CNTNAP2: variants seen among roughly 807,000 people sequenced by gnomAD.
CNTNAP2 encodes the protein contactin-associated protein-like 2.
In CNTNAP2, 98 loss-of-function variants were observed where a neutral mutation model predicts 155.2. The observed-to-expected ratio is 0.63, with a 90% CI of 0.54 to 0.75. The LOEUF (loss-of-function observed/expected upper bound fraction) is 0.75, where lower values mean the gene tolerates loss of function less well. CNTNAP2 is among the 30% of genes least tolerant of loss of function. CNTNAP2 has a pLI of 0.00. For synonymous variants in CNTNAP2, 651 were observed against 631.2 expected (o/e 1.03, Z -0.47); for missense variants, 1,727 against 1,688.1 (o/e 1.02, Z -0.40).
chr7:148,003,923 A>G (rs1801935042), intron 15 of CNTNAP2, among the ~76,000 whole-genome samples: 1 of 152,216 alleles, frequency 6.6e-6, no homozygotes, highest in African/African-American at 2.4e-5. Context: ...GGATTATAAT[A>G]TGTATATTTC....
intron 8 of CNTNAP2, among the ~76,000 whole-genome samples, chr7:147,182,524 A>C (rs1802482858): frequency 6.6e-6 from 1 of 151,980 alleles, no homozygotes; most frequent in Non-Finnish European, 1.5e-5. Context: ...TTGGTATTTG[A>C]TTTGCAGTCC....
chr7:146,977,442 G>A (rs978375008), intron 3 of CNTNAP2, among the ~76,000 whole-genome samples: 12 of 152,266 alleles, frequency 7.9e-5, no homozygotes, highest in African/African-American at 1.9e-4. Context: ...TTGAGTGATC[G>A]TTCATGGAGT....
chr7:148,354,929 T>G (rs980420961), intron 21 of CNTNAP2, among the ~76,000 whole-genome samples: 86 of 152,060 alleles, frequency 5.7e-4, no homozygotes, highest in African/African-American at 2.0e-3. Flanking sequence ...CACACTGATT[T>G]GGAGGCCTGA....
chr7:148,314,391 C>A (rs985938957), intron 21 of CNTNAP2, among the ~76,000 whole-genome samples: 1 of 152,142 alleles, frequency 6.6e-6, no homozygotes, highest in Non-Finnish European at 1.5e-5. Flanking sequence ...TATTTGGAAC[C>A]ACTGTCAAGT....
At chr7:147,557,381 G>T (rs1226597246) in intron 11 of CNTNAP2, among the ~76,000 whole-genome samples, 2 of 152,100 alleles carry the variant, frequency 1.3e-5, no homozygotes, top group African/African-American at 4.8e-5. Flanking sequence ...TGAATATATA[G>T]CATGAGAACT....
At chr7:147,910,071 C>A (rs893487927) in intron 14 of CNTNAP2, among the ~76,000 whole-genome samples, 8 of 152,122 alleles carry the variant, frequency 5.3e-5, no homozygotes, top group African/African-American at 1.9e-4. Context: ...TAAAAAATAT[C>A]TTCGATATTT....
At chr7:146,819,902 C>T (rs946661991) in intron 2 of CNTNAP2, among the ~76,000 whole-genome samples, 1 of 152,122 alleles carries the variant, frequency 6.6e-6, no homozygotes, top group Admixed American at 6.6e-5. Flanking sequence ...CTCATATATC[C>T]ACTTCTTGAT....
chr7:147,595,259 C>T (rs1401165761), intron 12 of CNTNAP2, among the ~76,000 whole-genome samples: 1 of 152,170 alleles, frequency 6.6e-6, no homozygotes, highest in Non-Finnish European at 1.5e-5. Flanking sequence ...GAATTCCCTT[C>T]TTAGCTTTGT....
At chr7:147,960,033 A>C (rs1302160702) in intron 14 of CNTNAP2, among the ~76,000 whole-genome samples, 1 of 152,092 alleles carries the variant, frequency 6.6e-6, no homozygotes, top group Non-Finnish European at 1.5e-5. Context: ...TCCTTCCTTT[A>C]GGCTCAGAGA....
At chr7:147,585,588 C>A (rs570583934) in intron 12 of CNTNAP2, among the ~76,000 whole-genome samples, 1 of 149,050 alleles carries the variant, frequency 6.7e-6, no homozygotes, top group African/African-American at 2.5e-5. Flanking sequence ...AATGTGGAAT[C>A]ACAACTAGAA....
chr7:147,130,885 T>C (rs1397122203), intron 7 of CNTNAP2, among the ~76,000 whole-genome samples: 17 of 152,112 alleles, frequency 1.1e-4, no homozygotes, highest in African/African-American at 4.1e-4. Flanking sequence ...CATAGGCAGT[T>C]CTTTTTATCA....
intron 2 of CNTNAP2, among the ~76,000 whole-genome samples, chr7:146,829,399 T>G (rs952626591): frequency 3.9e-5 from 6 of 152,078 alleles, no homozygotes; most frequent in Non-Finnish European, 7.4e-5. Context: ...ACAAACATAT[T>G]GTATAAGGAA....
At chr7:146,994,846 T>C (rs1475678946) in intron 3 of CNTNAP2, among the ~76,000 whole-genome samples, 1 of 150,696 alleles carries the variant, frequency 6.6e-6, no homozygotes, top group Non-Finnish European at 1.5e-5. Context: ...GTTATTTTTG[T>C]GGTGAGAACA....
intron 1 of CNTNAP2, among the ~76,000 whole-genome samples, chr7:146,313,581 C>T (rs1323214847): frequency 6.6e-6 from 1 of 152,106 alleles, no homozygotes; most frequent in Non-Finnish European, 1.5e-5. Flanking sequence ...GCTTTTGCTG[C>T]CTGTGCCTTT....
At chr7:147,613,704 A>G (rs979433423) in intron 12 of CNTNAP2, among the ~76,000 whole-genome samples, 1 of 152,094 alleles carries the variant, frequency 6.6e-6, no homozygotes. Flanking sequence ...TTAGCCAGGC[A>G]TGGTGGTGGG....
intron 15 of CNTNAP2, among the ~76,000 whole-genome samples, chr7:148,014,839 G>A (rs768618760): frequency 7.9e-5 from 12 of 152,198 alleles, no homozygotes; most frequent in East Asian, 1.9e-4. Flanking sequence ...CAACTGCAGC[G>A]CCTTGCTGGA....
At chr7:147,104,153 A>G (rs370023187) in intron 4 of CNTNAP2, among the ~76,000 whole-genome samples, 29 of 152,054 alleles carry the variant, frequency 1.9e-4, no homozygotes, top group African/African-American at 6.5e-4. Context: ...AGCTGGGTGA[A>G]ACATATGAGA....
intron 1 of CNTNAP2, among the ~76,000 whole-genome samples, chr7:146,189,359 A>G (rs1798669974): frequency 6.6e-6 from 1 of 152,186 alleles, no homozygotes; most frequent in Admixed American, 6.5e-5. Flanking sequence ...ATAATACTTA[A>G]TAATACTTCA....
At chr7:147,654,435 C>T (rs1349605755) in intron 13 of CNTNAP2, among the ~76,000 whole-genome samples, 1 of 152,118 alleles carries the variant, frequency 6.6e-6, no homozygotes, top group Non-Finnish European at 1.5e-5. Context: ...ATTCTTTTTC[C>T]TTCCAGTCTG....
Sources: gnomAD v4.1 joint callset for allele counts (sites outside exome capture counted in the v4.1 genomes callset) on GRCh38, gnomAD v4.1.1 for gene constraint, MANE v1.5 for transcripts, NCBI Gene and HGNC (gene_info 2026-07-23, HGNC 2026-07-21) for gene names.